The following FTCDNL1 variants were observed in gnomAD, a reference collection of about 807,000 sequenced individuals.
The protein encoded by FTCDNL1 is formiminotransferase N-terminal subdomain-containing protein.
FTCDNL1 carries 11 observed loss-of-function variants against 5.9 expected under a neutral mutation model. The ratio of observed to expected loss-of-function variants is 1.87; its 90% CI spans 1.18 to 3.10. The LOEUF (loss-of-function observed/expected upper bound fraction) is 3.10. Ranked by LOEUF, FTCDNL1 falls within the 30% of genes most tolerant of loss-of-function variation. FTCDNL1 has a pLI of 0.00. For missense variants in FTCDNL1, 115 were observed against 65.5 expected (o/e 1.76, Z -2.61); for synonymous variants, 58 against 24.8 (o/e 2.34, Z -3.99).
rs375595343 is a variant in FTCDNL1 at position 199,830,072 on chromosome 2, T to C, written c.212-10315A>G. Among the ~76,000 whole-genome samples, 3 of 152,238 alleles carry C rather than the reference T, an allele frequency of 2.0e-5. No homozygotes were observed. In the East Asian group the frequency reaches 5.8e-4, roughly 29 times the overall value. On this transcript the variant is annotated intron_variant, in intron 3 of 4. Transcript: ENST00000420128. Reference sequence around the variant, plus strand: ...AAAAAAAAGCTCAAAATCTAAAAATTAAACTGGGTGCTAGACTTAAAATCT... The same window carrying C: ...AAAAAAAAGCTCAAAATCTAAAAATCAAACTGGGTGCTAGACTTAAAATCT...
At chr2:199,844,784 A>G (rs2076684423) in intron 3 of FTCDNL1, among the ~76,000 whole-genome samples, 1 of 152,170 alleles carries the variant, frequency 6.6e-6, no homozygotes, top group African/African-American at 2.4e-5. Context: ...TTGGTCTTAT[A>G]CTATTTGATT....
At chr2:199,826,970 T>C (rs34345745) in intron 3 of FTCDNL1, among the ~76,000 whole-genome samples, 51,604 of 152,004 alleles carry the variant, frequency 0.34, 10,411 homozygotes, top group South Asian at 0.46. Flanking sequence ...CCTAAAAATA[T>C]GATTGTATTA....
chr2:199,793,767 T>G (rs1559192669), intron 3 of FTCDNL1, among the ~76,000 whole-genome samples: 2 of 152,206 alleles, frequency 1.3e-5, no homozygotes, highest in African/African-American at 4.8e-5. Flanking sequence ...GGCCACGACC[T>G]AAGACCAGCT....
the FTCDNL1 span, among the ~76,000 whole-genome samples, chr2:199,663,910 A>C: frequency 6.6e-6 from 1 of 152,148 alleles, no homozygotes; most frequent in African/African-American, 2.4e-5. Flanking sequence ...GTATCGATAT[A>C]AATTGATGCC....
chr2:199,834,718 C>A (rs555671136), intron 3 of FTCDNL1, among the ~76,000 whole-genome samples: 1 of 152,158 alleles, frequency 6.6e-6, no homozygotes, highest in Non-Finnish European at 1.5e-5. Flanking sequence ...GAAAGGAAGA[C>A]GTGTATTATT....
At chr2:199,694,662 C>CA in the FTCDNL1 span, among the ~76,000 whole-genome samples, 255 of 151,842 alleles carry the variant, frequency 1.7e-3, 4 homozygotes, top group African/African-American at 5.9e-3. Flanking sequence ...CCCATCTCTG[C>CA]AAAAAAATAA....
chr2:199,670,158 T>C, the FTCDNL1 span, among the ~76,000 whole-genome samples: 1 of 152,204 alleles, frequency 6.6e-6, no homozygotes, highest in Non-Finnish European at 1.5e-5. Context: ...CTTTTAATAA[T>C]TTGCAGAAAG....
rs79132494 is a variant in FTCDNL1, at chr2:199,763,463, T to C, written c.212-2628A>G. ...TATGTAGCCCCCACCACCTGGAGGTTCACTGGGGATCTTCATAGAAGAAAT... is the reference window on the plus strand; with the variant it reads ...TATGTAGCCCCCACCACCTGGAGGTCCACTGGGGATCTTCATAGAAGAAAT... On this transcript the variant is annotated intron_variant, in intron 3 of 3. Coordinates refer to the FTCDNL1 transcript ENST00000416668. 3.5e-3 allele frequency among the ~76,000 whole-genome samples: 530 copies of C among 152,280 alleles called. 12 individuals are homozygous for C. Among genetic ancestry groups the C allele is most frequent in the African/African-American group, 0.012 (519 of 41,556 alleles).
chr2:199,690,893 GGTC>G, the FTCDNL1 span, among the ~76,000 whole-genome samples: 460 of 152,162 alleles, frequency 3.0e-3, 4 homozygotes, highest in African/African-American at 0.011. Flanking sequence ...TTTACTCCAT[GGTC>G]TAAACTTTTG....
chr2:199,767,815 G>A (rs1435495409), intron 3 of FTCDNL1, among the ~76,000 whole-genome samples: 2 of 152,196 alleles, frequency 1.3e-5, no homozygotes, highest in Non-Finnish European at 2.9e-5. Context: ...AAAACTGTGA[G>A]AAGTAGGTTT....
chr2:199,683,214 C>T, the FTCDNL1 span, among the ~76,000 whole-genome samples: 5,094 of 152,084 alleles, frequency 0.033, 126 homozygotes, highest in Non-Finnish European at 0.053. Flanking sequence ...GCGAGCCATT[C>T]CATGAAAAAC....
At chr2:199,739,253 G>C in the FTCDNL1 span, among the ~76,000 whole-genome samples, 1 of 151,992 alleles carries the variant, frequency 6.6e-6, no homozygotes, top group East Asian at 1.9e-4. Context: ...GGCCACTGGA[G>C]AGGAGATAGC....
At chr2:199,708,322 A>C in the FTCDNL1 span, among the ~76,000 whole-genome samples, 22 of 152,070 alleles carry the variant, frequency 1.4e-4, no homozygotes, top group African/African-American at 5.1e-4. Context: ...ATATTTTTTA[A>C]ATAGCTGTTT....
chr2:199,738,048 G>A, the FTCDNL1 span, among the ~76,000 whole-genome samples: 1 of 152,186 alleles, frequency 6.6e-6, no homozygotes, highest in Non-Finnish European at 1.5e-5. Context: ...CAGGTTGGGG[G>A]AGTTGATAAG....
At chr2:199,808,214 A>G (rs1700834954), downstream of FTCDNL1, among the ~76,000 whole-genome samples, 1 of 152,214 alleles carries the variant, frequency 6.6e-6, no homozygotes, top group South Asian at 2.1e-4. Context: ...CAGAACCATG[A>G]GCCAATTACA....
chr2:199,673,752 C>T, the FTCDNL1 span, among the ~76,000 whole-genome samples: 18 of 152,112 alleles, frequency 1.2e-4, no homozygotes, highest in Non-Finnish European at 2.2e-4. Flanking sequence ...TTTTTTCAGA[C>T]TTGCAAAATG....
At chr2:199,668,108 G>C in the FTCDNL1 span, among the ~76,000 whole-genome samples, 3 of 152,142 alleles carry the variant, frequency 2.0e-5, no homozygotes, top group Non-Finnish European at 2.9e-5. Context: ...TTTCACAGTT[G>C]TTGTTTTAAA....
intron 3 of FTCDNL1, among the ~76,000 whole-genome samples, chr2:199,822,001 T>C (rs1261829949): frequency 2.0e-5 from 3 of 152,230 alleles, no homozygotes; most frequent in Non-Finnish European, 4.4e-5. Context: ...TCACATAAAT[T>C]TTTTGGTTTC....
the FTCDNL1 span, among the ~76,000 whole-genome samples, chr2:199,742,615 C>T: frequency 2.6e-5 from 4 of 152,142 alleles, no homozygotes; most frequent in East Asian, 5.8e-4. Context: ...TTATGGAATA[C>T]ATTGTTTAAT....
Sources: allele counts gnomAD v4.1 joint callset (sites outside exome capture counted in the v4.1 genomes callset), GRCh38; gene constraint gnomAD v4.1.1; transcripts MANE v1.5; gene names NCBI Gene and HGNC (gene_info 2026-07-23, HGNC 2026-07-21).